The following STAG1 variants were observed in gnomAD, a reference collection of about 807,000 sequenced individuals.
The protein encoded by STAG1 is cohesin subunit SA-1.
A neutral mutation model predicts 170.9 loss-of-function variants in STAG1; 26 were observed. The ratio of observed to expected loss-of-function variants is 0.15; its 90% CI spans 0.11 to 0.21. The LOEUF (loss-of-function observed/expected upper bound fraction) is 0.21, where lower values mean the gene tolerates loss of function less well. STAG1 is among the 10% of genes least tolerant of loss of function. STAG1 has a pLI of 1.00. For missense variants in STAG1, 964 were observed against 1,509.5 expected (o/e 0.64, Z 5.99); for synonymous variants, 514 against 497.7 (o/e 1.03, Z -0.44).
chr3:136,714,952 TATATATATATA>T (rs1943486974), intron 1 of STAG1, among the ~76,000 whole-genome samples: 2 of 75,174 alleles, frequency 2.7e-5, no homozygotes, highest in South Asian at 8.2e-4. Flanking sequence ...TATATATATA[TATATATATATA>T]TTTTATATAT....
intron 1 of STAG1, among the ~76,000 whole-genome samples, chr3:136,706,210 A>G (rs999383745): frequency 1.3e-5 from 2 of 152,246 alleles, no homozygotes; most frequent in African/African-American, 4.8e-5. Context: ...AACATCAGAA[A>G]TAAGACAAGA....
intron 22 of STAG1, among the ~76,000 whole-genome samples, chr3:136,379,204 G>T (rs943260374): frequency 7.9e-5 from 12 of 152,098 alleles, no homozygotes; most frequent in African/African-American, 2.9e-4. Context: ...AATACACTGA[G>T]GGAAACAGAT....
intron 4 of STAG1, among the ~76,000 whole-genome samples, chr3:136,596,014 A>T (rs1322564598): frequency 6.6e-6 from 1 of 152,196 alleles, no homozygotes; most frequent in Non-Finnish European, 1.5e-5. Flanking sequence ...TTTCTAAATT[A>T]AGAAACGTCT....
At chr3:136,720,187 A>G (rs1454318264) in intron 1 of STAG1, among the ~76,000 whole-genome samples, 1 of 152,050 alleles carries the variant, frequency 6.6e-6, no homozygotes, top group Non-Finnish European at 1.5e-5. Flanking sequence ...AAAAAAAAAA[A>G]AAAAAAAATC....
At chr3:136,601,364 A>G (rs543331074) in intron 4 of STAG1, among the ~76,000 whole-genome samples, 3 of 152,168 alleles carry the variant, frequency 2.0e-5, no homozygotes, top group African/African-American at 7.2e-5. Flanking sequence ...CCAGTAAAAA[A>G]TATTAATAAT....
chr3:136,737,337 C>T, intron 1 of STAG1: 5 of 376,526 alleles, frequency 1.3e-5, no homozygotes, highest in South Asian at 8.6e-5. Context: ...CTCCTGACCT[C>T]GTGATCCACC....
intron 3 of STAG1, among the ~76,000 whole-genome samples, chr3:136,610,531 T>TTAA (rs1939221123): frequency 6.6e-6 from 1 of 152,182 alleles, no homozygotes; most frequent in African/African-American, 2.4e-5. Context: ...TGGAGAAGTG[T>TTAA]ATTTAACAGC....
intron 1 of STAG1, among the ~76,000 whole-genome samples, chr3:136,677,041 TCCCTC>T (rs1942148128): frequency 1.3e-5 from 2 of 152,078 alleles, no homozygotes; most frequent in Non-Finnish European, 2.9e-5. Context: ...AACAATACCT[TCCCTC>T]TAGAATATCT....
intron 1 of STAG1, among the ~76,000 whole-genome samples, chr3:136,702,888 T>C (rs1026506751): frequency 1.9e-4 from 29 of 151,538 alleles, no homozygotes; most frequent in Admixed American, 1.8e-3. Context: ...GCCAACATGG[T>C]GAAACCCCGT....
chr3:136,469,008 T>C (rs2089550461), intron 12 of STAG1, among the ~76,000 whole-genome samples: 1 of 152,218 alleles, frequency 6.6e-6, no homozygotes, highest in South Asian at 2.1e-4. Context: ...GAGCTATTTA[T>C]GACAAACCCA....
chr3:136,725,202 C>A (rs1233631153), intron 1 of STAG1, among the ~76,000 whole-genome samples: 2 of 152,106 alleles, frequency 1.3e-5, no homozygotes, highest in Non-Finnish European at 1.5e-5. Flanking sequence ...AAAAATCTTA[C>A]CCTAAGCAAA....
chr3:136,704,704 C>CTG (rs1407139291), intron 1 of STAG1, among the ~76,000 whole-genome samples: 1 of 150,776 alleles, frequency 6.6e-6, no homozygotes, highest in Non-Finnish European at 1.5e-5. Flanking sequence ...TGGCATGCAT[C>CTG]TGTAGTCCCA....
At chr3:136,529,888 TA>T (rs1935283306) in intron 6 of STAG1, among the ~76,000 whole-genome samples, 1 of 152,188 alleles carries the variant, frequency 6.6e-6, no homozygotes, top group Non-Finnish European at 1.5e-5. Context: ...GGTCACATAG[TA>T]ATATTAACTT....
intron 23 of STAG1, among the ~76,000 whole-genome samples, chr3:136,373,823 G>A (rs1937474942): frequency 6.6e-6 from 1 of 152,210 alleles, no homozygotes; most frequent in Admixed American, 6.5e-5. Flanking sequence ...ATATTCTGTT[G>A]ATTTGGGGTG....
At position 136,357,704 on chromosome 3, in the gene STAG1, G is replaced by T; in HGVS notation, c.3065+16C>A. ...TATTATTATAAAAACCACTTCTCTT[G>T]TAATGTGCAACTTACACTGTCTTTT... is the stretch of plus-strand genomic sequence containing the variant. On this transcript the variant is annotated intron_variant, in intron 28 of 33. Transcript: ENST00000383202. The T allele has an allele frequency of 6.4e-7, 1 of 1,571,232 alleles. No homozygotes were observed. The highest frequency in any genetic ancestry group is 8.6e-7 in the Non-Finnish European group (1 of 1,167,600).
chr3:136,724,840 G>A (rs368504169), intron 1 of STAG1, among the ~76,000 whole-genome samples: 1 of 152,086 alleles, frequency 6.6e-6, no homozygotes, highest in African/African-American at 2.4e-5. Flanking sequence ...GGCAGGAGGG[G>A]ATGATACATT....
intron 4 of STAG1, among the ~76,000 whole-genome samples, chr3:136,576,031 A>G (rs1379105472): frequency 6.6e-6 from 1 of 152,196 alleles, no homozygotes; most frequent in Admixed American, 6.5e-5. Flanking sequence ...CTTAGAGAAA[A>G]TATTTATTTG....
intron 5 of STAG1, among the ~76,000 whole-genome samples, chr3:136,560,008 G>T (rs555115031): frequency 9.0e-4 from 137 of 152,238 alleles, no homozygotes; most frequent in Non-Finnish European, 1.3e-3. Flanking sequence ...TTCCTGAAAA[G>T]AATGTTAGGT....
At chr3:136,623,479 T>C (rs1189014034) in intron 2 of STAG1, among the ~76,000 whole-genome samples, 1 of 152,120 alleles carries the variant, frequency 6.6e-6, no homozygotes, top group Non-Finnish European at 1.5e-5. Flanking sequence ...GAAATGATTG[T>C]GGAAATGATA....
Sources: allele counts gnomAD v4.1 joint callset (sites outside exome capture counted in the v4.1 genomes callset), GRCh38; gene constraint gnomAD v4.1.1; transcripts MANE v1.5; gene names NCBI Gene and HGNC (gene_info 2026-07-23, HGNC 2026-07-21).